HHLA2: variants seen among roughly 807,000 people sequenced by gnomAD.
HHLA2 encodes HHLA2 member of B7 family, also known as HERV-H LTR-associating protein 2.
HHLA2 carries 48 observed loss-of-function variants against 45.9 expected under a neutral mutation model. The observed-to-expected ratio is 1.05, with a 90% CI of 0.83 to 1.33. The LOEUF is 1.33. HHLA2 is among the 40% of genes most tolerant of loss of function. The pLI is 0.00. For synonymous variants in HHLA2, 161 were observed against 173.9 expected (o/e 0.93, Z 0.59); for missense variants, 462 against 494.3 (o/e 0.93, Z 0.62).
At chr3:108,296,832 A>G (rs2080768979) in intron 1 of HHLA2, among the ~76,000 whole-genome samples, 1 of 152,256 alleles carries the variant, frequency 6.6e-6, no homozygotes, top group Non-Finnish European at 1.5e-5. Flanking sequence ...AAAAGAACTT[A>G]GCAAAAATGA....
At chr3:108,332,994 G>C (rs543708838) in intron 3 of HHLA2, among the ~76,000 whole-genome samples, 2 of 152,294 alleles carry the variant, frequency 1.3e-5, no homozygotes, top group South Asian at 2.1e-4. Flanking sequence ...GTAATATTTG[G>C]AATTAGCCAT....
rs573046094 is a variant in HHLA2, at chr3:108,314,357, AT to A, written c.-105+3618del. Among the ~76,000 whole-genome samples, 7 of 151,046 alleles carry A rather than the reference AT, an allele frequency of 4.6e-5. No homozygotes were observed. The South Asian group carries it at 1.5e-3, about 32-fold the overall frequency. ...ACTGTCTCTTAAAAAAAAAAAAAAAATTCCTACTCCTACATCCTTAGGCTGG... is the reference window on the plus strand; with the variant it reads ...ACTGTCTCTTAAAAAAAAAAAAAAAATCCTACTCCTACATCCTTAGGCTGG... On this transcript the variant is annotated intron_variant, in intron 2 of 10. Coordinates refer to ENST00000619531, the Ensembl canonical transcript of HHLA2.
chr3:108,330,463 T>C (rs1322666051), intron 3 of HHLA2, among the ~76,000 whole-genome samples: 1 of 152,186 alleles, frequency 6.6e-6, no homozygotes, highest in South Asian at 2.1e-4. Context: ...GTAAAGGAAT[T>C]TTGCAGATAC....
intron 1 of HHLA2, among the ~76,000 whole-genome samples, chr3:108,297,938 T>A (rs143008584): frequency 5.3e-5 from 8 of 152,366 alleles, no homozygotes; most frequent in Admixed American, 5.2e-4. Context: ...GAGGTTGTCA[T>A]GTCAACTCTA....
chr3:108,357,938 G>A lies in HHLA2; in HGVS notation c.780G>A (p.Trp260Ter). 1 of 1,613,766 alleles carries A rather than the reference G, an allele frequency of 6.2e-7. No individual in the cohort carries two copies. Among genetic ancestry groups the A allele is most frequent in the South Asian group, 1.1e-5 (1 of 91,080 alleles). The change falls in exon 7 of 11, where the codon TGG becomes TGA. Residue 260 changes from tryptophan (W) to a stop codon, truncating the protein, a stop_gained. Transcript: ENST00000619531. LOFTEE classifies it high-confidence loss of function. ...CAAACCAAGACTTCAAAGTTACTTG[G>A]TCCAGAATGAAAAGTGGGACTTTCT... is the stretch of plus-strand genomic sequence containing the variant.
chr3:108,358,124 T>C, exon 7 of HHLA2: 7 of 1,612,734 alleles, frequency 4.3e-6, no homozygotes, highest in Non-Finnish European at 5.9e-6. Context: ...TTTCTTCGGA[T>C]GAATATACTT....
At chr3:108,372,362 CAA>C (rs1426595724) in intron 8 of HHLA2, among the ~76,000 whole-genome samples, 1 of 151,396 alleles carries the variant, frequency 6.6e-6, no homozygotes, top group Non-Finnish European at 1.5e-5. Context: ...TAAATGCCCA[CAA>C]GAGAAAGCAG....
At chr3:108,368,534 G>GAAAAAA (rs1560276081) in intron 8 of HHLA2, among the ~76,000 whole-genome samples, 1 of 12,052 alleles carries the variant, frequency 8.3e-5, no homozygotes, top group Admixed American at 1.2e-3. Context: ...CAAACGAAGA[G>GAAAAAA]CAAAAAAAAA....
chr3:108,300,124 C>T (rs1164330348), intron 1 of HHLA2, among the ~76,000 whole-genome samples: 1 of 151,984 alleles, frequency 6.6e-6, no homozygotes, highest in Non-Finnish European at 1.5e-5. Flanking sequence ...TCAGAGTACA[C>T]AAGGAAGAGG....
chr3:108,363,497 G>T (rs925440191), intron 8 of HHLA2, among the ~76,000 whole-genome samples: 1 of 152,128 alleles, frequency 6.6e-6, no homozygotes, highest in African/African-American at 2.4e-5. Context: ...GGAGATTAGG[G>T]TTATAGCAGA....
intron 3 of HHLA2, among the ~76,000 whole-genome samples, chr3:108,351,547 A>G (rs1271368847): frequency 6.6e-6 from 1 of 152,226 alleles, no homozygotes; most frequent in African/African-American, 2.4e-5. Context: ...ATATCTTGTC[A>G]GTATCCTATG....
chr3:108,297,248 G>A (rs936534066), intron 1 of HHLA2, among the ~76,000 whole-genome samples: 1 of 152,144 alleles, frequency 6.6e-6, no homozygotes, highest in African/African-American at 2.4e-5. Context: ...ATATGAACAG[G>A]TAATTTAGGT....
intron 8 of HHLA2, among the ~76,000 whole-genome samples, chr3:108,371,833 T>C (rs200733651): frequency 6.6e-6 from 1 of 152,286 alleles, no homozygotes; most frequent in Non-Finnish European, 1.5e-5. Flanking sequence ...AAGCAAGTCC[T>C]TAGTGACCTA....
At chr3:108,338,828 A>G (rs929090392) in intron 3 of HHLA2, among the ~76,000 whole-genome samples, 1 of 152,204 alleles carries the variant, frequency 6.6e-6, no homozygotes, top group Non-Finnish European at 1.5e-5. Flanking sequence ...GAGATAAAAC[A>G]GGGAGGGAGA....
At chr3:108,369,771 A>G (rs375286039) in intron 8 of HHLA2, among the ~76,000 whole-genome samples, 1 of 152,150 alleles carries the variant, frequency 6.6e-6, no homozygotes, top group African/African-American at 2.4e-5. Context: ...GGGGAGGGGC[A>G]CCCACCATTG....
chr3:108,353,707 C>A, exon 5 of HHLA2: 1 of 1,613,426 alleles, frequency 6.2e-7, no homozygotes, highest in Non-Finnish European at 8.5e-7. Flanking sequence ...GCCTTCTGGA[C>A]GAAGGAATTT....
intron 4 of HHLA2, 24 bp downstream of exon 3, chr3:108,351,901 G>C: frequency 6.7e-7 from 1 of 1,494,704 alleles, no homozygotes; most frequent in Non-Finnish European, 9.3e-7. Context: ...TAATACAAGT[G>C]TTAGTTATTT....
intron 5 of HHLA2, 75 bp from the exon 5 acceptor site, chr3:108,355,040 A>C: frequency 7.0e-7 from 1 of 1,429,146 alleles, no homozygotes; most frequent in Non-Finnish European, 9.4e-7. Flanking sequence ...GGATATTAAA[A>C]AGTATTCTGC....
At chr3:108,316,649 T>C (rs1022287148) in intron 2 of HHLA2, among the ~76,000 whole-genome samples, 2 of 152,124 alleles carry the variant, frequency 1.3e-5, no homozygotes, top group African/African-American at 4.8e-5. Context: ...GTCAACCACA[T>C]CCCAATGCAC....
Sources: allele counts gnomAD v4.1 joint callset (sites outside exome capture counted in the v4.1 genomes callset), GRCh38; gene constraint gnomAD v4.1.1; transcripts MANE v1.5; gene names NCBI Gene and HGNC (gene_info 2026-07-23, HGNC 2026-07-21).